Variants in PPP1R12C observed in about 807,000 individuals in gnomAD.
PPP1R12C encodes the protein protein phosphatase 1 regulatory subunit 12C.
In PPP1R12C, 48 loss-of-function variants were observed where a neutral mutation model predicts 95.6. That is an observed-to-expected ratio of 0.50 (90% CI 0.40 to 0.64). The LOEUF (loss-of-function observed/expected upper bound fraction) is 0.64, where lower values mean the gene tolerates loss of function less well. PPP1R12C is among the 30% of genes least tolerant of loss of function. The probability of loss-of-function intolerance (pLI) is 0.00; values close to 1 mark genes in which losing one functional copy is unlikely to be tolerated. For missense variants in PPP1R12C, 1,057 were observed against 1,083.3 expected, an observed-to-expected ratio of 0.98 and a Z score of 0.34; for synonymous variants, 480 against 460.8, an observed-to-expected ratio of 1.04 and a Z score of -0.53.
rs772709853 is a variant in PPP1R12C, at chr19:55,092,332, G to T, written c.2056-6C>A. 2 of 1,590,476 alleles carry T rather than the reference G, an allele frequency of 1.3e-6. No homozygotes were observed. The highest frequency in any genetic ancestry group is 1.7e-6 in the Non-Finnish European group (2 of 1,168,220). On this transcript the variant is annotated splice_region_variant and splice_polypyrimidine_tract_variant and intron_variant, in intron 18 of 21. Coordinates refer to ENST00000263433, the MANE Select transcript of PPP1R12C (RefSeq NM_017607.4). ...CTGCGCAGCTCTGCATACAGCTGGG[G>T]GTCAGGTAGAGGAGGGTCAGGTGGA...
chr19:55,101,527 TG>T (rs2084979017), intron 4 of PPP1R12C, among the ~76,000 whole-genome samples: 1 of 152,184 alleles, frequency 6.6e-6, no homozygotes, highest in Non-Finnish European at 1.5e-5. Context: ...CGTTAAGTGG[TG>T]CCGCTTGCGG....
chr19:55,098,637 G>T, intron 6 of PPP1R12C, 147 bp downstream of exon 6: 1 of 969,266 alleles, frequency 1.0e-6, no homozygotes, highest in Non-Finnish European at 1.6e-6. Context: ...CTGAGGCTGG[G>T]GCTGGGGCTG....
Position 55,112,956 on chromosome 19 carries a change from C to T in PPP1R12C, c.322-161G>A, listed in dbSNP as rs530782859. On this transcript the variant is annotated intron_variant, in intron 1 of 21. Transcript: ENST00000263433. ...CTGGCCACTGGCTGTTTAAGATACG[C>T]CTGGTTGCCCAGTGGTCAGGCCGGC... 3.0e-4 allele frequency: 306 copies of T among 1,030,292 alleles called. 2 individuals carry two copies. The highest frequency in any genetic ancestry group is 6.3e-4 in the Middle Eastern group (2 of 3,178). 63.8% of individuals were successfully genotyped at this position (1,030,292 alleles called of 1,614,324 possible).
Position 55,100,534 on chromosome 19 carries a change from G to T in PPP1R12C, c.732-1439C>A, listed in dbSNP as rs185979875. On this transcript the variant is annotated intron_variant, in intron 4 of 21. Coordinates refer to ENST00000263433, the MANE Select transcript of PPP1R12C (RefSeq NM_017607.4). The stretch of plus-strand genomic sequence containing the variant: ...ACAGACTGCCTGGCACACAGCAGGG[G>T]CTCAAAAATAAGCATCGAATGAGTA... Among the ~76,000 whole-genome samples, 57 of 152,342 alleles carry T rather than the reference G, an allele frequency of 3.7e-4. No homozygotes were observed. In the East Asian group the frequency reaches 0.011, roughly 29 times the overall value.
In PPP1R12C at chr19:55,092,617, C is replaced by A; in HGVS notation, c.1952+5G>T. The A allele has an allele frequency of 6.5e-7, 1 of 1,534,202 alleles. No homozygotes were observed. Among genetic ancestry groups the A allele is most frequent in the East Asian group, 2.4e-5 (1 of 42,514 alleles). ...CAGACCCCACCTCTCCCACCCCGCC[C>A]CTACCTGGACTCCTGGCTGCGGTCA... is the stretch of plus-strand genomic sequence containing the variant. On this transcript the variant is annotated splice_donor_5th_base_variant and intron_variant, in intron 17 of 21. Coordinates refer to ENST00000263433, the MANE Select transcript of PPP1R12C (RefSeq NM_017607.4).
At chr19:55,116,558 G>T (rs75308471) in intron 1 of PPP1R12C, among the ~76,000 whole-genome samples, 2,990 of 152,278 alleles carry the variant, frequency 0.02, 84 homozygotes, top group African/African-American at 0.067. Context: ...GAGAATGCAG[G>T]TCAGAGAAAG....
chr19:55,102,233 G>T (rs2084987194), intron 4 of PPP1R12C, among the ~76,000 whole-genome samples: 1 of 152,216 alleles, frequency 6.6e-6, no homozygotes, highest in Non-Finnish European at 1.5e-5. Flanking sequence ...ATGCACCTTG[G>T]TTGGGTGCAG....
At chr19:55,113,790 C>T (rs561333142) in intron 1 of PPP1R12C, 110 of 270,440 alleles carry the variant, frequency 4.1e-4, no homozygotes, top group South Asian at 3.1e-3. Context: ...GAACTCGGCT[C>T]GTTTATTTCC....
chr19:55,108,352 G>C (rs1163811407), intron 3 of PPP1R12C, among the ~76,000 whole-genome samples: 9 of 152,124 alleles, frequency 5.9e-5, no homozygotes, highest in Non-Finnish European at 1.5e-5. Flanking sequence ...CCCTAGGTCA[G>C]GGACAATGGC....
chr19:55,096,253 T>C lies in PPP1R12C; in HGVS notation c.1025+9A>G, dbSNP rs760344817. The C allele has an allele frequency of 6.2e-7, 1 of 1,613,870 alleles. No homozygotes were observed. The highest frequency in any genetic ancestry group is 1.1e-5 in the South Asian group (1 of 91,084). On this transcript the variant is annotated intron_variant, in intron 7 of 21. Coordinates refer to ENST00000263433, the MANE Select transcript of PPP1R12C (RefSeq NM_017607.4). ...ACCCCGCCAGCCCTGGACTCCTCCC[T>C]CCCTATACCTTCTGTGTTTGCTGCT...
In PPP1R12C at chr19:55,094,546, C is replaced by A. The variant is rs1226321702; in HGVS notation, c.1593-111G>T. 5.1e-6 allele frequency: 8 copies of A among 1,563,950 alleles called. No individual in the cohort carries two copies. In the African/African-American group the frequency reaches 5.4e-5, roughly 11 times the overall value. ...TGTGGGAGGGGACTCCAACTCCCAG[C>A]AGACCTGAGGCCAGCTCTCCCTCAG... On this transcript the variant is annotated intron_variant, in intron 12 of 21. Coordinates refer to ENST00000263433, the MANE Select transcript of PPP1R12C (RefSeq NM_017607.4).
At chr19:55,113,378 A>G in intron 1 of PPP1R12C, 2 of 1,438,228 alleles carry the variant, frequency 1.4e-6, no homozygotes, top group Non-Finnish European at 1.8e-6. Context: ...CAGAGGGGTG[A>G]GACAGCTGCA....
intron 6 of PPP1R12C, 65 bp downstream of exon 6, chr19:55,098,719 C>T (rs1308275173): frequency 3.8e-6 from 6 of 1,597,860 alleles, no homozygotes; most frequent in African/African-American, 2.7e-5. Context: ...CCCCTCTGCA[C>T]CCTCCTCTGA....
chr19:55,114,697 G>A (rs1244657672), intron 1 of PPP1R12C: 2 of 152,336 alleles, frequency 1.3e-5, no homozygotes, highest in Non-Finnish European at 2.9e-5. Flanking sequence ...CCTCCTCTCT[G>A]AACCCCAGCC....
At chr19:55,113,584 G>C (rs2085121432) in intron 1 of PPP1R12C, 8 of 1,301,920 alleles carry the variant, frequency 6.1e-6, no homozygotes, top group Non-Finnish European at 7.8e-6. Flanking sequence ...ACACTGGGTG[G>C]GCTCCGGGAC....
chr19:55,097,740 T>C (rs986839007), intron 6 of PPP1R12C, among the ~76,000 whole-genome samples: 3 of 152,210 alleles, frequency 2.0e-5, no homozygotes, highest in African/African-American at 7.2e-5. Context: ...CCTGCCCTTC[T>C]AGCAAACTCT....
At chr19:55,097,327 C>G (rs1467019631) in intron 6 of PPP1R12C, among the ~76,000 whole-genome samples, 1 of 120,450 alleles carries the variant, frequency 8.3e-6, no homozygotes, top group African/African-American at 3.1e-5. Flanking sequence ...GTCTTCACCC[C>G]TTCCCTGCAG....
rs1442822932 is a variant in PPP1R12C, at chr19:55,092,559, G to A, written c.1953-15C>T. 1 of 1,588,500 alleles carries A rather than the reference G, an allele frequency of 6.3e-7. No homozygotes were observed. The highest frequency in any genetic ancestry group is 1.1e-5 in the South Asian group (1 of 88,284). ...CCTCCAGGGTGCTGGGGCAGGGGAG[G>A]AGCGCGCGTCAGGGGCCGGCCCGGC... On this transcript the variant is annotated splice_polypyrimidine_tract_variant and intron_variant, in intron 17 of 21. Coordinates refer to ENST00000263433, the MANE Select transcript of PPP1R12C (RefSeq NM_017607.4).
rs1465720909 is a variant in PPP1R12C at position 55,091,243 on chromosome 19, C to T, written c.*229G>A. The T allele has an allele frequency of 3.4e-6, 2 of 580,130 alleles. No individual in the cohort carries two copies. Among genetic ancestry groups the T allele is most frequent in the East Asian group, 5.8e-5 (2 of 34,630 alleles). The allele number at this position is 580,130 out of a possible 1,614,324, so 35.9% of individuals were successfully genotyped here. A position where few individuals can be genotyped will look rare whatever the true frequency, so the allele number is the denominator to read the frequency against. On this transcript the variant is annotated 3_prime_UTR_variant, in exon 22 of 22. Coordinates refer to ENST00000263433, the MANE Select transcript of PPP1R12C (RefSeq NM_017607.4). Reference sequence around the variant, plus strand: ...CCTGGTCCCGTCTCTGGCCCTGGTCCCCTCTGGCAACGTCCCCCTGCTTGG... The same window carrying T: ...CCTGGTCCCGTCTCTGGCCCTGGTCTCCTCTGGCAACGTCCCCCTGCTTGG...
Sources: allele counts gnomAD v4.1 joint callset (sites outside exome capture counted in the v4.1 genomes callset), GRCh38; gene constraint gnomAD v4.1.1; transcripts MANE v1.5; gene names NCBI Gene and HGNC (gene_info 2026-07-23, HGNC 2026-07-21).